C10orf143: variants seen among roughly 807,000 people sequenced by gnomAD.
The protein encoded by C10orf143 is chromosome 10 open reading frame 143, also known as uncharacterized protein C10orf143.
At chr10:130,091,537 C>T (rs1861382898) in intron 1 of C10orf143, among the ~76,000 whole-genome samples, 2 of 152,138 alleles carry the variant, frequency 1.3e-5, no homozygotes, top group African/African-American at 4.8e-5. Context: ...TCCTCGCCAG[C>T]AAGAGAACAA....
intron 1 of C10orf143, among the ~76,000 whole-genome samples, chr10:130,082,660 C>T (rs1861228553): frequency 6.6e-6 from 1 of 152,190 alleles, no homozygotes; most frequent in African/African-American, 2.4e-5. Flanking sequence ...CCCAGGCACA[C>T]AGAACTTTGA....
intron 1 of C10orf143, among the ~76,000 whole-genome samples, chr10:130,096,973 T>C (rs1035144528): frequency 4.6e-5 from 7 of 150,900 alleles, no homozygotes; most frequent in African/African-American, 1.7e-4. Flanking sequence ...TAATTTTTTT[T>C]TTTTTGAGAC....
At chr10:130,062,882 C>G (rs943971900), downstream of C10orf143, among the ~76,000 whole-genome samples, 1 of 152,140 alleles carries the variant, frequency 6.6e-6, no homozygotes, top group Non-Finnish European at 1.5e-5. Flanking sequence ...GAACCGAAGG[C>G]CTGCTTTGGG....
chr10:130,101,850 AAAAAAAAAAAAAACC>A (rs1272749972), intron 1 of C10orf143, among the ~76,000 whole-genome samples: 15 of 20,680 alleles, frequency 7.3e-4, no homozygotes, highest in African/African-American at 1.9e-3. Flanking sequence ...ACTCTGTCTC[AAAAAAAAAAAAAACC>A]AAAAAAAAAA....
rs79688618 is a variant in C10orf143, at chr10:130,037,718, G to A, written c.298-1748C>T. Reference sequence around the variant, plus strand: ...GGCCTTATTAATATCAGACCCATACGTGACAACTGTCAGACAATCGGTCAA... The same window carrying A: ...GGCCTTATTAATATCAGACCCATACATGACAACTGTCAGACAATCGGTCAA... On this transcript the variant is annotated intron_variant and NMD_transcript_variant, in intron 3 of 5. Transcript: ENST00000643056. Among the ~76,000 whole-genome samples, 684 of 152,300 alleles carry A rather than the reference G, an allele frequency of 4.5e-3. 2 individuals carry two copies. The highest frequency in any genetic ancestry group is 0.016 in the African/African-American group (645 of 41,566).
At chr10:130,106,452 G>C (rs1240286898) in intron 1 of C10orf143, 1 of 1,602,616 alleles carries the variant, frequency 6.2e-7, no homozygotes. Flanking sequence ...AAGTTGAACA[G>C]GTCCAATTCT....
At chr10:130,050,447 A>C (rs531839063) in intron 3 of C10orf143, among the ~76,000 whole-genome samples, 1 of 152,314 alleles carries the variant, frequency 6.6e-6, no homozygotes, top group African/African-American at 2.4e-5. Flanking sequence ...TCCCAGCTAC[A>C]TGGGAGGTCA....
intron 3 of C10orf143, among the ~76,000 whole-genome samples, chr10:130,071,909 C>T (rs1861040262): frequency 6.6e-6 from 1 of 152,188 alleles, no homozygotes; most frequent in Non-Finnish European, 1.5e-5. Context: ...TAGGCATGAG[C>T]CACCGCGCCT....
intron 1 of C10orf143, among the ~76,000 whole-genome samples, chr10:130,099,469 G>C (rs1861512312): frequency 6.6e-6 from 1 of 151,738 alleles, no homozygotes; most frequent in African/African-American, 2.4e-5. Context: ...CAACCAATGG[G>C]GTAAAACAAA....
At chr10:130,106,481 C>A (rs777122179) in intron 1 of C10orf143, 1 of 1,602,304 alleles carries the variant, frequency 6.2e-7, no homozygotes, top group South Asian at 1.1e-5. Context: ...GCATGAAATT[C>A]TCTGTCTAGA....
In C10orf143 at chr10:130,046,352, C is replaced by T. The variant is rs551973427; in HGVS notation, c.298-10382G>A. On this transcript the variant is annotated intron_variant and NMD_transcript_variant, in intron 3 of 5. Transcript: ENST00000643056. ...CTGTGCACGCCGCTCCCCCGCCCAGCGCCTCCCCCGGGACCTGCTCCAGAA... is the reference window on the plus strand; with the variant it reads ...CTGTGCACGCCGCTCCCCCGCCCAGTGCCTCCCCCGGGACCTGCTCCAGAA... Among the ~76,000 whole-genome samples, 20 of 152,162 alleles carry T rather than the reference C, an allele frequency of 1.3e-4. No homozygotes were observed. In the South Asian group the frequency reaches 4.1e-3, roughly 32 times the overall value.
At chr10:130,062,372 G>A (rs967573520), downstream of C10orf143, among the ~76,000 whole-genome samples, 2 of 152,158 alleles carry the variant, frequency 1.3e-5, no homozygotes, top group Non-Finnish European at 2.9e-5. Context: ...GACTGGGAGA[G>A]GCGGACTCAC....
At chr10:130,077,550 G>A (rs1254317963) in intron 3 of C10orf143, among the ~76,000 whole-genome samples, 1 of 152,224 alleles carries the variant, frequency 6.6e-6, no homozygotes, top group East Asian at 1.9e-4. Context: ...CTGCCTACGG[G>A]CATCATGGGA....
chr10:130,038,982 C>T (rs1860576100), intron 3 of C10orf143, among the ~76,000 whole-genome samples: 1 of 152,160 alleles, frequency 6.6e-6, no homozygotes, highest in South Asian at 2.1e-4. Context: ...CACCGCTCTT[C>T]CCAGTTTGCC....
At chr10:130,077,669 G>A (rs963708760) in intron 3 of C10orf143, among the ~76,000 whole-genome samples, 5 of 152,324 alleles carry the variant, frequency 3.3e-5, no homozygotes, top group South Asian at 2.1e-4. Flanking sequence ...TGTTAAGCAC[G>A]ACTCCCAGGG....
At chr10:130,108,696 G>T (rs1473359935) in intron 1 of C10orf143, among the ~76,000 whole-genome samples, 1 of 152,150 alleles carries the variant, frequency 6.6e-6, no homozygotes, top group Admixed American at 6.5e-5. Flanking sequence ...ACAACAGTGG[G>T]AGTTTTACGT....
rs201352486 is a variant in C10orf143 at position 130,089,476 on chromosome 10, T to TA, written c.70-9576dup. Among the ~76,000 whole-genome samples the TA allele has an allele frequency of 9.2e-3, 1,389 of 151,120 alleles. 24 individuals are homozygous for TA. The highest frequency in any genetic ancestry group is 0.032 in the African/African-American group (1,316 of 41,206). Reference sequence around the variant, plus strand: ...TATTTTATAGATGAGGAAAAAGAAGTAAAAAAAAACCTTAGCCAACTTGCC... The same window carrying TA: ...TATTTTATAGATGAGGAAAAAGAAGTAAAAAAAAAACCTTAGCCAACTTGCC... On this transcript the variant is annotated intron_variant, in intron 1 of 3. Coordinates refer to ENST00000637128, the MANE Select transcript of C10orf143 (RefSeq NM_001355042.2).
chr10:130,081,907 A>C (rs1861215719), intron 1 of C10orf143, among the ~76,000 whole-genome samples: 1 of 136,084 alleles, frequency 7.3e-6, no homozygotes, highest in South Asian at 2.5e-4. Flanking sequence ...ATCCCAGTAA[A>C]CTATTTTATA....
chr10:130,037,622 C>T (rs1860559448), intron 3 of C10orf143, among the ~76,000 whole-genome samples: 1 of 152,230 alleles, frequency 6.6e-6, no homozygotes. Flanking sequence ...AGCTCAGCGC[C>T]ACTGAGGCTA....
Sources: allele counts gnomAD v4.1 joint callset (sites outside exome capture counted in the v4.1 genomes callset), GRCh38; gene constraint gnomAD v4.1.1; transcripts MANE v1.5; gene names NCBI Gene and HGNC (gene_info 2026-07-23, HGNC 2026-07-21).